The following TPRG1 variants were observed in gnomAD, a reference collection of about 807,000 sequenced individuals.
The protein encoded by TPRG1 is tumor protein p63 regulated 1.
In TPRG1, 29 loss-of-function variants were observed where a neutral mutation model predicts 29.3. The observed-to-expected ratio is 0.99, with a 90% CI of 0.74 to 1.35. The LOEUF (loss-of-function observed/expected upper bound fraction) is 1.35. Ranked by LOEUF, TPRG1 falls within the 40% of genes most tolerant of loss-of-function variation. The pLI is 0.00. For missense variants in TPRG1, 327 were observed against 335.0 expected (o/e 0.98, Z 0.19); for synonymous variants, 130 against 116.8 (o/e 1.11, Z -0.73).
At chr3:189,176,313 CTATT>C (rs1335776300) in intron 1 of TPRG1, among the ~76,000 whole-genome samples, 3 of 152,136 alleles carry the variant, frequency 2.0e-5, no homozygotes, top group South Asian at 2.1e-4. Flanking sequence ...TCATTTTAAA[CTATT>C]TATTGAACAA....
intron 1 of TPRG1, among the ~76,000 whole-genome samples, chr3:189,112,798 T>G (rs1290188038): frequency 5.9e-5 from 9 of 152,132 alleles, no homozygotes; most frequent in Non-Finnish European, 1.0e-4. Context: ...ATAGTTTGAA[T>G]TCAGGTAGCG....
chr3:189,115,587 T>C (rs1578404547), intron 1 of TPRG1, among the ~76,000 whole-genome samples: 1 of 152,356 alleles, frequency 6.6e-6, no homozygotes, highest in Non-Finnish European at 1.5e-5. Flanking sequence ...CTAATGGCTC[T>C]CTTACACAAT....
rs1342745264 is a variant in TPRG1 at position 189,190,334 on chromosome 3, C to G, written c.-9-17042C>G. Among the ~76,000 whole-genome samples the G allele has an allele frequency of 2.6e-5, 4 of 152,306 alleles. No homozygotes were observed. The East Asian group carries it at 7.7e-4, about 29-fold the overall frequency. On this transcript the variant is annotated intron_variant, in intron 1 of 5. Transcript: ENST00000345063. ...TGTTCACAGGTGATGTGGGCAGCATCAAATTCTGGCCCTGTGAGCTTCAGT... is the reference window on the plus strand; with the variant it reads ...TGTTCACAGGTGATGTGGGCAGCATGAAATTCTGGCCCTGTGAGCTTCAGT...
intron 4 of TPRG1, among the ~76,000 whole-genome samples, chr3:189,247,453 T>G (rs556144294): frequency 5.7e-4 from 86 of 152,148 alleles, no homozygotes; most frequent in African/African-American, 2.0e-3. Context: ...ATCTCAGGAT[T>G]GCTTCTGTTG....
At chr3:189,187,293 T>C (rs1341312386) in intron 1 of TPRG1, among the ~76,000 whole-genome samples, 1 of 151,206 alleles carries the variant, frequency 6.6e-6, no homozygotes, top group African/African-American at 2.4e-5. Flanking sequence ...CAAGTTCATC[T>C]AACTTTTTTT....
chr3:189,095,922 G>T (rs539427635), upstream of TPRG1, among the ~76,000 whole-genome samples: 9 of 152,270 alleles, frequency 5.9e-5, no homozygotes, highest in South Asian at 1.9e-3. Context: ...GGGGAGTTTG[G>T]TCAGGGCCCA....
chr3:189,119,085 C>T (rs1300549230), intron 1 of TPRG1, among the ~76,000 whole-genome samples: 2 of 152,234 alleles, frequency 1.3e-5, no homozygotes, highest in Non-Finnish European at 2.9e-5. Context: ...TGCAAAGCCA[C>T]AGGGCAGAGC....
chr3:189,172,339 A>G (rs12492687), intron 1 of TPRG1, among the ~76,000 whole-genome samples: 57,246 of 151,816 alleles, frequency 0.38, 10,845 homozygotes, highest in South Asian at 0.52. Context: ...AGCATTTTTT[A>G]GCCTATAAAG....
intron 4 of TPRG1, among the ~76,000 whole-genome samples, chr3:189,037,100 A>G (rs1306997247): frequency 2.0e-5 from 3 of 151,488 alleles, no homozygotes; most frequent in Non-Finnish European, 4.4e-5. Context: ...TGTCCTAGAT[A>G]ATAGAATAAT....
intron 3 of TPRG1, among the ~76,000 whole-genome samples, chr3:189,012,405 A>C (rs1712649892): frequency 6.6e-6 from 1 of 151,824 alleles, no homozygotes; most frequent in African/African-American, 2.4e-5. Flanking sequence ...TTTTGTCTTT[A>C]AGTATGTGAT....
chr3:189,304,401 T>TTTATTTATTACTTA (rs2109283173), intron 4 of TPRG1, among the ~76,000 whole-genome samples: 1 of 152,274 alleles, frequency 6.6e-6, no homozygotes, highest in East Asian at 1.9e-4. Flanking sequence ...GCCGATCTGC[T>TTTATTTATTACTTA]TTATTTATTA....
At chr3:189,162,118 G>A (rs750796271) in intron 5 of TPRG1, among the ~76,000 whole-genome samples, 29 of 151,982 alleles carry the variant, frequency 1.9e-4, no homozygotes, top group Non-Finnish European at 3.5e-4. Flanking sequence ...TCAGCCTCTC[G>A]AGTAGCTGGG....
At chr3:189,198,442 A>G (rs1437092030) in intron 1 of TPRG1, among the ~76,000 whole-genome samples, 1 of 152,230 alleles carries the variant, frequency 6.6e-6, no homozygotes, top group African/African-American at 2.4e-5. Flanking sequence ...AGACTGTGGT[A>G]TGAGTTCCTA....
chr3:189,129,735 C>T (rs1560470586), intron 2 of TPRG1, among the ~76,000 whole-genome samples: 2 of 151,950 alleles, frequency 1.3e-5, no homozygotes, highest in South Asian at 4.2e-4. Context: ...ATTTTAAGTC[C>T]AAGACTATTG....
At chr3:189,124,968 T>C (rs761299752) in intron 1 of TPRG1, among the ~76,000 whole-genome samples, 3 of 152,236 alleles carry the variant, frequency 2.0e-5, no homozygotes, top group Non-Finnish European at 4.4e-5. Context: ...GATCTTGCAA[T>C]GAGATCTTAA....
chr3:189,206,338 G>A (rs1386587696), intron 1 of TPRG1, among the ~76,000 whole-genome samples: 1 of 151,810 alleles, frequency 6.6e-6, no homozygotes, highest in Non-Finnish European at 1.5e-5. Flanking sequence ...ACTTCTTACT[G>A]ATGGATACTT....
rs558962861 is a variant in TPRG1 at position 189,134,313 on chromosome 3, GT to G, written c.-291+1617del. On this transcript the variant is annotated intron_variant, in intron 3 of 6. Coordinates refer to the TPRG1 transcript ENST00000412373. ...AGTTTAAGTTGTATGTTCAGTACAAGTAGTATCCATTACTAACGTTATCTTT... is the reference window on the plus strand; with the variant it reads ...AGTTTAAGTTGTATGTTCAGTACAAGAGTATCCATTACTAACGTTATCTTT... Among the ~76,000 whole-genome samples, 10 of 149,878 alleles carry G rather than the reference GT, an allele frequency of 6.7e-5. No individual in the cohort carries two copies. The South Asian group carries it at 2.2e-3, about 32-fold the overall frequency.
chr3:189,267,603 CAAAA>C (rs1313249234), intron 4 of TPRG1: 1 of 151,960 alleles, frequency 6.6e-6, no homozygotes, highest in Non-Finnish European at 1.5e-5. Context: ...AAGAGTATGA[CAAAA>C]AGAATGATAT....
intron 4 of TPRG1, among the ~76,000 whole-genome samples, chr3:189,269,026 A>G (rs755322109): frequency 6.6e-6 from 1 of 152,132 alleles, no homozygotes; most frequent in African/African-American, 2.4e-5. Flanking sequence ...TTAAGACTCA[A>G]CAATTAAATT....
Sources: allele counts gnomAD v4.1 joint callset (sites outside exome capture counted in the v4.1 genomes callset), GRCh38; gene constraint gnomAD v4.1.1; transcripts MANE v1.5; gene names NCBI Gene and HGNC (gene_info 2026-07-23, HGNC 2026-07-21).